The following ANKS1B variants were observed in gnomAD, a reference collection of about 807,000 sequenced individuals.
ANKS1B encodes the protein ankyrin repeat and sterile alpha motif domain containing 1B.
ANKS1B carries 36 observed loss-of-function variants against 148.3 expected under a neutral mutation model. The ratio of observed to expected loss-of-function variants is 0.24; its 90% confidence interval spans 0.19 to 0.32. ANKS1B has a LOEUF of 0.32. Among genes scored for constraint, ANKS1B ranks in the 10% least tolerant of loss-of-function variants. ANKS1B has a pLI of 1.00. For missense variants in ANKS1B, 1,157 were observed against 1,542.6 expected (o/e 0.75, Z 4.19); for synonymous variants, 542 against 560.8 (o/e 0.97, Z 0.47).
intron 8 of ANKS1B, among the ~76,000 whole-genome samples, chr12:99,731,498 G>A (rs937125141): frequency 3.3e-5 from 5 of 151,534 alleles, no homozygotes; most frequent in Non-Finnish European, 5.9e-5. Context: ...GAAAGAGTCT[G>A]CTGAGCTTCT....
At chr12:99,074,327 C>CT (rs1358430041) in intron 16 of ANKS1B, among the ~76,000 whole-genome samples, 1 of 144,750 alleles carries the variant, frequency 6.9e-6, no homozygotes. Flanking sequence ...AAGATAAATT[C>CT]TTAAAAAAAA....
chr12:99,271,601 G>A (rs894445666), intron 12 of ANKS1B, among the ~76,000 whole-genome samples: 2 of 144,406 alleles, frequency 1.4e-5, no homozygotes, highest in African/African-American at 5.2e-5. Context: ...AAATTAAAAA[G>A]TTGTTCACCC....
intron 15 of ANKS1B, among the ~76,000 whole-genome samples, chr12:99,152,384 A>G (rs975509282): frequency 3.3e-5 from 5 of 152,134 alleles, no homozygotes; most frequent in Admixed American, 3.3e-4. Flanking sequence ...TTTCTAGAAA[A>G]TTATACCAAA....
chr12:99,067,685 T>C (rs1364167884), intron 16 of ANKS1B, among the ~76,000 whole-genome samples: 2 of 152,222 alleles, frequency 1.3e-5, no homozygotes, highest in East Asian at 3.8e-4. Flanking sequence ...TGTTGCTCTA[T>C]GATTGTTGCT....
At chr12:99,913,384 T>TA (rs1381756385) in intron 1 of ANKS1B, among the ~76,000 whole-genome samples, 1 of 152,218 alleles carries the variant, frequency 6.6e-6, no homozygotes, top group African/African-American at 2.4e-5. Flanking sequence ...AGCATTTCAC[T>TA]AGTGAACAGA....
At chr12:99,316,356 C>T (rs529141040) in intron 12 of ANKS1B, among the ~76,000 whole-genome samples, 33 of 151,762 alleles carry the variant, frequency 2.2e-4, no homozygotes, top group Middle Eastern at 6.8e-3. Flanking sequence ...TTTTAATGAT[C>T]GCCATTTTAA....
At chr12:99,925,627 C>T (rs1322401303) in intron 1 of ANKS1B, among the ~76,000 whole-genome samples, 2 of 152,078 alleles carry the variant, frequency 1.3e-5, no homozygotes, top group Admixed American at 6.6e-5. Context: ...CTGGACCCTA[C>T]GAGCATTTTC....
intron 17 of ANKS1B, among the ~76,000 whole-genome samples, chr12:98,919,253 T>A (rs201382): frequency 0.43 from 65,893 of 152,004 alleles, 17,240 homozygotes; most frequent in African/African-American, 0.74. Context: ...GATTTTGTAC[T>A]AAATTAAAAA....
In ANKS1B at chr12:99,279,366, TTA is replaced by T. The variant is rs1459109990; in HGVS notation, c.1757-32504_1757-32503del. 3.1e-4 allele frequency among the ~76,000 whole-genome samples: 47 copies of T among 152,284 alleles called. 1 individual carries two copies. The highest frequency in any genetic ancestry group is 1.1e-3 in the African/African-American group (46 of 41,566). Reference sequence around the variant, plus strand: ...TTTAAAGTATACAATTCAATGATTTTTAGTGTACTTAGAGAATTGTACAGCCA... The same window carrying T: ...TTTAAAGTATACAATTCAATGATTTTGTGTACTTAGAGAATTGTACAGCCA... On this transcript the variant is annotated intron_variant, in intron 12 of 26. Transcript: ENST00000683438.
At chr12:99,929,309 C>T (rs2094553324) in intron 1 of ANKS1B, among the ~76,000 whole-genome samples, 1 of 152,058 alleles carries the variant, frequency 6.6e-6, no homozygotes, top group Non-Finnish European at 1.5e-5. Flanking sequence ...TGAGAAGTGT[C>T]TGTTCATATC....
chr12:99,279,427 T>C (rs1271055476), intron 12 of ANKS1B, among the ~76,000 whole-genome samples: 1 of 152,054 alleles, frequency 6.6e-6, no homozygotes, highest in Non-Finnish European at 1.5e-5. Flanking sequence ...ATTTCCATCA[T>C]CCAAAAAAGA....
chr12:99,767,298 G>A (rs1446107362), intron 8 of ANKS1B, among the ~76,000 whole-genome samples: 1 of 152,060 alleles, frequency 6.6e-6, no homozygotes, highest in South Asian at 2.1e-4. Context: ...AGCTTTAGAT[G>A]CTGCTTGTGT....
intron 9 of ANKS1B, among the ~76,000 whole-genome samples, chr12:99,533,532 C>G (rs989202854): frequency 1.3e-5 from 2 of 152,134 alleles, no homozygotes; most frequent in African/African-American, 4.8e-5. Context: ...CTTTCTTTCT[C>G]TTGCCTGATT....
At chr12:99,617,967 T>A in intron 9 of ANKS1B, among the ~76,000 whole-genome samples, 1 of 152,126 alleles carries the variant, frequency 6.6e-6, no homozygotes. Context: ...TTGAAATAAG[T>A]CAGAACTCTT....
intron 1 of ANKS1B, among the ~76,000 whole-genome samples, chr12:99,961,320 G>A (rs187999935): frequency 6.6e-5 from 10 of 152,272 alleles, no homozygotes; most frequent in African/African-American, 2.2e-4. Flanking sequence ...GGAAAGGTAA[G>A]GTGAAGAAAG....
intron 8 of ANKS1B, among the ~76,000 whole-genome samples, chr12:99,708,599 C>T (rs940423773): frequency 6.6e-6 from 1 of 152,154 alleles, no homozygotes; most frequent in Non-Finnish European, 1.5e-5. Context: ...GGCTCTGGCT[C>T]ATGGCCCCTT....
chr12:99,865,099 T>G lies in ANKS1B; in HGVS notation c.135-39710A>C, dbSNP rs978510811. ...TGAAAGAGCCAGATAGGTATTGGTG[T>G]CCTACACATGCAAATAATATACTTT... On this transcript the variant is annotated intron_variant, in intron 1 of 26. Transcript: ENST00000683438. Among the ~76,000 whole-genome samples the G allele has an allele frequency of 3.3e-5, 5 of 152,362 alleles. No individual in the cohort carries two copies. In the East Asian group the frequency reaches 9.6e-4, roughly 29 times the overall value.
chr12:99,173,719 C>G (rs558175276), intron 14 of ANKS1B, among the ~76,000 whole-genome samples: 161 of 152,238 alleles, frequency 1.1e-3, no homozygotes, highest in African/African-American at 3.5e-3. Flanking sequence ...CTATACAACT[C>G]AGAGCCAACC....
chr12:99,001,408 C>T (rs1259648181), intron 17 of ANKS1B, among the ~76,000 whole-genome samples: 6 of 152,150 alleles, frequency 3.9e-5, no homozygotes, highest in Non-Finnish European at 7.4e-5. Context: ...GGAATATAGG[C>T]ATGAGCCACC....
Sources: allele counts gnomAD v4.1 joint callset (sites outside exome capture counted in the v4.1 genomes callset), GRCh38; gene constraint gnomAD v4.1.1; transcripts MANE v1.5; gene names NCBI Gene and HGNC (gene_info 2026-07-23, HGNC 2026-07-21).